Variants in CDH1 observed in about 807,000 individuals in gnomAD.
The protein encoded by CDH1 is cadherin 1, also known as cadherin-1.
Under a neutral mutation model 84.5 loss-of-function variants are expected in CDH1, and 35 were observed. That is an observed-to-expected ratio of 0.41 (90% confidence interval 0.32 to 0.55). The LOEUF (loss-of-function observed/expected upper bound fraction) is 0.55. Ranked by LOEUF, CDH1 falls within the 20% of genes least tolerant of loss-of-function variation. The probability of loss-of-function intolerance (pLI) is 0.19; values close to 1 mark genes in which losing one functional copy is unlikely to be tolerated. For synonymous variants in CDH1, 417 were observed against 439.0 expected, an observed-to-expected ratio of 0.95 and a Z score of 0.63; for missense variants, 994 against 1,126.6, an observed-to-expected ratio of 0.88 and a Z score of 1.68.
chr16:68,796,477 G>A (rs1869273924), intron 2 of CDH1, among the ~76,000 whole-genome samples: 1 of 152,188 alleles, frequency 6.6e-6, no homozygotes, highest in South Asian at 2.1e-4. Flanking sequence ...GCGGGCGTGG[G>A]AGAAGAAACG....
chr16:68,818,162 C>T (rs1961029455), intron 10 of CDH1, among the ~76,000 whole-genome samples: 1 of 148,950 alleles, frequency 6.7e-6, no homozygotes. Context: ...ATGGCATGAA[C>T]CTGGGAGGTG....
chr16:68,813,541 C>G (rs1369184609), intron 9 of CDH1, 46 bp downstream of exon 9: 1 of 1,557,786 alleles, frequency 6.4e-7, no homozygotes, highest in Non-Finnish European at 8.9e-7. Flanking sequence ...ATCCTCACAG[C>G]TGTTCATACC....
At chr16:68,804,996 ATTTTTTTTT>A (rs71148951) in intron 3 of CDH1, among the ~76,000 whole-genome samples, 4 of 89,696 alleles carry the variant, frequency 4.5e-5, no homozygotes, top group East Asian at 3.2e-4. Flanking sequence ...TGCCCAGCTA[ATTTTTTTTT>A]TTTTTTTTTT....
chr16:68,793,486 A>G (rs1000544549), intron 2 of CDH1, among the ~76,000 whole-genome samples: 1 of 151,924 alleles, frequency 6.6e-6, no homozygotes, highest in Non-Finnish European at 1.5e-5. Context: ...ATCAGTACTA[A>G]CAGACAGGCT....
intron 5 of CDH1, 73 bp from the exon 6 acceptor site, chr16:68,810,124 G>C (rs2152130886): frequency 6.4e-7 from 1 of 1,556,324 alleles, no homozygotes; most frequent in Non-Finnish European, 8.9e-7. Flanking sequence ...GGCGCACTCT[G>C]CTCTGGCTGG....
intron 2 of CDH1, among the ~76,000 whole-genome samples, chr16:68,796,236 A>C (rs1424938831): frequency 6.6e-6 from 1 of 152,140 alleles, no homozygotes; most frequent in Non-Finnish European, 1.5e-5. Flanking sequence ...TTCTGATGAG[A>C]GGGAGGCAAT....
intron 15 of CDH1, 140 bp from the exon 16 acceptor site, chr16:68,833,150 C>T (rs948215049): frequency 1.3e-5 from 9 of 713,610 alleles, no homozygotes; most frequent in Admixed American, 6.1e-5. Context: ...TATAAATGTA[C>T]GTTGTTGGTG....
rs1961572911 is a variant in CDH1 at position 68,834,024 on chromosome 16, A to G, written c.*525A>G. 4 of 354,610 alleles carry G rather than the reference A, an allele frequency of 1.1e-5. No individual in the cohort carries two copies. The highest frequency in any genetic ancestry group is 5.2e-5 in the East Asian group (1 of 19,258). 22.0% of individuals were successfully genotyped at this position (354,610 alleles called of 1,614,324 possible). ...CAGGCTGGAGTGCAGTGGTGCAATC[A>G]CAGCTCACTGCAGCCTTGTCCTCCC... On this transcript the variant is annotated 3_prime_UTR_variant, in exon 16 of 16. Coordinates refer to ENST00000261769, the MANE Select transcript of CDH1 (RefSeq NM_004360.5).
chr16:68,803,272 A>G (rs1172994492), intron 3 of CDH1, among the ~76,000 whole-genome samples: 1 of 152,150 alleles, frequency 6.6e-6, no homozygotes, highest in Non-Finnish European at 1.5e-5. Context: ...ATCTAATACT[A>G]TAGGACCATA....
intron 2 of CDH1, chr16:68,770,897 T>C (rs1959554715): frequency 6.6e-6 from 1 of 151,468 alleles, no homozygotes; most frequent in African/African-American, 2.4e-5. Flanking sequence ...TTAGACCTTA[T>C]CTTCTGAAGG....
At chr16:68,787,830 T>A (rs1960101219) in intron 2 of CDH1, among the ~76,000 whole-genome samples, 1 of 147,108 alleles carries the variant, frequency 6.8e-6, no homozygotes, top group Non-Finnish European at 1.5e-5. Context: ...GGCTAATTTT[T>A]TTTTTTTTTT....
At chr16:68,760,315 G>A (rs373133945) in intron 2 of CDH1, among the ~76,000 whole-genome samples, 1 of 128,618 alleles carries the variant, frequency 7.8e-6, no homozygotes, top group Non-Finnish European at 1.6e-5. Flanking sequence ...GGGTTTCACC[G>A]TGTTAGCCAG....
intron 2 of CDH1, among the ~76,000 whole-genome samples, chr16:68,800,359 A>G (rs1335127419): frequency 6.6e-6 from 1 of 152,142 alleles, no homozygotes; most frequent in Non-Finnish European, 1.5e-5. Flanking sequence ...AAAATGGAGA[A>G]AATCTGTTAC....
At chr16:68,820,437 G>A (rs868283825) in intron 11 of CDH1, among the ~76,000 whole-genome samples, 17 of 149,652 alleles carry the variant, frequency 1.1e-4, no homozygotes, top group African/African-American at 3.7e-4. Flanking sequence ...TGCAGCTTCC[G>A]CCTCCCAGGT....
At chr16:68,784,963 T>C (rs1231368949) in intron 2 of CDH1, among the ~76,000 whole-genome samples, 4 of 152,102 alleles carry the variant, frequency 2.6e-5, no homozygotes. Context: ...TGCACTGTGA[T>C]TGCAAGAAGG....
At chr16:68,798,339 G>A (rs1481257702) in intron 2 of CDH1, among the ~76,000 whole-genome samples, 1 of 152,070 alleles carries the variant, frequency 6.6e-6, no homozygotes, top group African/African-American at 2.4e-5. Context: ...CCCACTTGCT[G>A]GGCTCAGAGA....
chr16:68,737,820 G>C (rs961041961), intron 1 of CDH1, among the ~76,000 whole-genome samples: 3 of 152,128 alleles, frequency 2.0e-5, no homozygotes, highest in African/African-American at 7.2e-5. Flanking sequence ...GGGGAGCCAG[G>C]AGTCGTGGGG....
At chr16:68,759,145 G>A (rs1311484407) in intron 2 of CDH1, among the ~76,000 whole-genome samples, 2 of 152,108 alleles carry the variant, frequency 1.3e-5, no homozygotes. Context: ...TCACTGTGTT[G>A]CCCAGGTTGG....
chr16:68,832,779 CA>C, intron 15 of CDH1, among the ~76,000 whole-genome samples: 1 of 152,168 alleles, frequency 6.6e-6, no homozygotes, highest in African/African-American at 2.4e-5. Flanking sequence ...AAAATCACAC[CA>C]TTGCACTCCA....
Sources: gnomAD v4.1 joint callset for allele counts (sites outside exome capture counted in the v4.1 genomes callset) on GRCh38, gnomAD v4.1.1 for gene constraint, MANE v1.5 for transcripts, NCBI Gene and HGNC (gene_info 2026-07-23, HGNC 2026-07-21) for gene names.